Variants in SIL1 observed in about 807,000 individuals in gnomAD.
SIL1 encodes nucleotide exchange factor SIL1.
SIL1 carries 40 observed loss-of-function variants against 49.1 expected under a neutral mutation model. The observed-to-expected ratio is 0.81, with a 90% CI of 0.63 to 1.06. SIL1 has a LOEUF of 1.06. SIL1 is among the 50% of genes least tolerant of loss of function. The pLI is 0.00. For missense variants in SIL1, 500 were observed against 572.6 expected (o/e 0.87, Z 1.29); for synonymous variants, 253 against 250.8 (o/e 1.01, Z -0.08).
chr5:139,116,885 A>G (rs1771002308), intron 3 of SIL1, among the ~76,000 whole-genome samples: 1 of 152,182 alleles, frequency 6.6e-6, no homozygotes, highest in Non-Finnish European at 1.5e-5. Context: ...TCATTCTTAC[A>G]TCATCTCTGC....
In SIL1 at chr5:139,129,540, C is replaced by T. The variant is rs573331331; in HGVS notation, c.-10-1687G>A. On this transcript the variant is annotated intron_variant, in intron 1 of 9. Transcript: ENST00000394817. ...ACAAAAAATTAGCTGAGCATGGTGG[C>T]GGGTGCCTGTAGTCCCAGCTACTCA... 1.4e-4 allele frequency among the ~76,000 whole-genome samples: 22 copies of T among 152,268 alleles called. No individual in the cohort carries two copies. The South Asian group carries it at 3.9e-3, about 27-fold the overall frequency.
At chr5:139,171,021 T>TA (rs1751751216) in intron 1 of SIL1, among the ~76,000 whole-genome samples, 1 of 134,378 alleles carries the variant, frequency 7.4e-6, no homozygotes, top group East Asian at 2.4e-4. Context: ...CAGCCGCCCC[T>TA]ACTGGGAAGT....
At chr5:139,181,939 G>A (rs1751990055) in intron 1 of SIL1, among the ~76,000 whole-genome samples, 1 of 152,188 alleles carries the variant, frequency 6.6e-6, no homozygotes, top group Admixed American at 6.5e-5. Flanking sequence ...AGGGGACCAG[G>A]GCTGGCCTGT....
At chr5:139,069,851 A>G (rs1195985864) in intron 3 of SIL1, among the ~76,000 whole-genome samples, 2 of 152,220 alleles carry the variant, frequency 1.3e-5, no homozygotes, top group Non-Finnish European at 2.9e-5. Flanking sequence ...AAGATGAAGT[A>G]CTCAAAGAAA....
chr5:139,096,889 G>C (rs1770478682), intron 3 of SIL1, among the ~76,000 whole-genome samples: 1 of 151,956 alleles, frequency 6.6e-6, no homozygotes, highest in Non-Finnish European at 1.5e-5. Context: ...AGGGCCCTGG[G>C]GTCCCAGATT....
intron 3 of SIL1, among the ~76,000 whole-genome samples, chr5:139,056,702 C>T (rs1439151895): frequency 6.6e-6 from 1 of 150,394 alleles, no homozygotes; most frequent in East Asian, 2.0e-4. Context: ...GTGGGGGCGT[C>T]AGCCCCCCGC....
intron 7 of SIL1, among the ~76,000 whole-genome samples, chr5:138,958,397 T>C (rs1453965534): frequency 3.3e-5 from 5 of 152,224 alleles, no homozygotes; most frequent in Admixed American, 6.5e-5. Context: ...TTGGTTATGG[T>C]GGTATCTGCC....
intron 7 of SIL1, among the ~76,000 whole-genome samples, chr5:138,999,784 G>C (rs1767949175): frequency 1.3e-5 from 2 of 152,130 alleles, no homozygotes; most frequent in Admixed American, 6.5e-5. Context: ...TAGAAGATCT[G>C]TTGTTTGGAA....
At chr5:139,123,609 G>C (rs886458624) in intron 2 of SIL1, among the ~76,000 whole-genome samples, 1 of 152,206 alleles carries the variant, frequency 6.6e-6, no homozygotes, top group African/African-American at 2.4e-5. Context: ...GCATTAGACT[G>C]CAGGACCAGG....
At chr5:138,985,694 C>T (rs1258902185) in intron 7 of SIL1, among the ~76,000 whole-genome samples, 1 of 152,200 alleles carries the variant, frequency 6.6e-6, no homozygotes, top group Non-Finnish European at 1.5e-5. Context: ...CTCTGACTGT[C>T]GACCCAAGAC....
intron 1 of SIL1, among the ~76,000 whole-genome samples, chr5:139,146,223 G>A (rs1021425149): frequency 1.3e-5 from 2 of 152,082 alleles, no homozygotes; most frequent in Non-Finnish European, 2.9e-5. Flanking sequence ...TGTTAAAACC[G>A]GACATTGGGT....
intron 6 of SIL1, among the ~76,000 whole-genome samples, chr5:139,026,463 C>T (rs557178282): frequency 9.9e-5 from 15 of 152,130 alleles, no homozygotes; most frequent in African/African-American, 2.4e-4. Flanking sequence ...ATTAGCTGGG[C>T]GTGGTGGTGC....
chr5:139,014,075 G>A (rs1482923558), intron 7 of SIL1: 1 of 152,174 alleles, frequency 6.6e-6, no homozygotes, highest in African/African-American at 2.4e-5. Context: ...GAAAGAACTG[G>A]CTTACAACAG....
chr5:139,124,904 C>A (rs1157347747), intron 2 of SIL1, among the ~76,000 whole-genome samples: 2 of 152,188 alleles, frequency 1.3e-5, no homozygotes, highest in African/African-American at 4.8e-5. Context: ...AGATTGAAGT[C>A]CAGACCTGCC....
At chr5:139,175,456 G>C (rs981523739) in intron 1 of SIL1, among the ~76,000 whole-genome samples, 1 of 152,126 alleles carries the variant, frequency 6.6e-6, no homozygotes, top group Non-Finnish European at 1.5e-5. Context: ...ATTCTGAACA[G>C]ACAGACCTGT....
intron 7 of SIL1, among the ~76,000 whole-genome samples, chr5:138,975,580 G>T (rs927904220): frequency 2.0e-5 from 3 of 152,196 alleles, no homozygotes; most frequent in Non-Finnish European, 4.4e-5. Flanking sequence ...CCCCACCAGC[G>T]ATCCCAGCCT....
At chr5:139,117,288 T>G (rs1771011822) in intron 3 of SIL1, among the ~76,000 whole-genome samples, 2 of 152,208 alleles carry the variant, frequency 1.3e-5, no homozygotes, top group Admixed American at 1.3e-4. Flanking sequence ...CAGACAAATC[T>G]AGGTTTGAGT....
intron 1 of SIL1, among the ~76,000 whole-genome samples, chr5:139,155,047 C>A (rs1024739817): frequency 2.0e-5 from 3 of 152,176 alleles, no homozygotes; most frequent in African/African-American, 7.2e-5. Context: ...ACTGGGGATA[C>A]GTACCTTTTG....
intron 1 of SIL1, chr5:139,137,453 T>G (rs2151799883): frequency 3.2e-6 from 2 of 625,040 alleles, no homozygotes; most frequent in East Asian, 5.7e-5. Context: ...CCACAGAAAC[T>G]GGACTCATCA....
Sources: gnomAD v4.1 joint callset for allele counts (sites outside exome capture counted in the v4.1 genomes callset) on GRCh38, gnomAD v4.1.1 for gene constraint, MANE v1.5 for transcripts, NCBI Gene and HGNC (gene_info 2026-07-23, HGNC 2026-07-21) for gene names.